Variants in LMX1B observed in about 807,000 individuals in gnomAD.
The protein encoded by LMX1B is LIM homeobox transcription factor 1 beta.
LMX1B carries 12 observed loss-of-function variants against 51.4 expected under a neutral mutation model. The ratio of observed to expected loss-of-function variants is 0.23; its 90% CI spans 0.15 to 0.38. The LOEUF (loss-of-function observed/expected upper bound fraction) is 0.38, where lower values mean the gene tolerates loss of function less well. Ranked by LOEUF, LMX1B falls within the 10% of genes least tolerant of loss-of-function variation. The pLI is 1.00. For missense variants in LMX1B, 445 were observed against 571.1 expected (o/e 0.78, Z 2.25); for synonymous variants, 237 against 235.4 (o/e 1.01, Z -0.06).
At chr9:126,687,985 C>T (rs2029971773) in intron 2 of LMX1B, among the ~76,000 whole-genome samples, 1 of 152,202 alleles carries the variant, frequency 6.6e-6, no homozygotes, top group South Asian at 2.1e-4. Flanking sequence ...AAAGGCAGCC[C>T]CATAATTGGG....
At chr9:126,683,984 C>G (rs984745656) in intron 2 of LMX1B, among the ~76,000 whole-genome samples, 5 of 152,132 alleles carry the variant, frequency 3.3e-5, no homozygotes, top group African/African-American at 1.2e-4. Flanking sequence ...GTACCCCATC[C>G]AAGCACGTGT....
Position 126,618,216 on chromosome 9 carries a change from A to G in LMX1B, c.326+2647A>G, listed in dbSNP as rs1835339682. Among the ~76,000 whole-genome samples the G allele has an allele frequency of 6.6e-6, 1 of 152,018 alleles. No homozygotes were observed. Among genetic ancestry groups the G allele is most frequent in the Admixed American group, 6.5e-5 (1 of 15,270 alleles). On this transcript the variant is annotated intron_variant, in intron 2 of 7. Transcript: ENST00000373474. This position sits in a 1 kb window ranked among gnomAD's most constrained non-coding sequence, Gnocchi z 4.5. ...ATTAACAATCCCCCCACCAAACACAACTTCTGAAAAATGTGTCCTCACCCC... is the reference window on the plus strand; with the variant it reads ...ATTAACAATCCCCCCACCAAACACAGCTTCTGAAAAATGTGTCCTCACCCC...
chr9:126,678,715 T>G (rs1357907698), intron 2 of LMX1B, among the ~76,000 whole-genome samples: 1 of 152,140 alleles, frequency 6.6e-6, no homozygotes, highest in Non-Finnish European at 1.5e-5. Flanking sequence ...AAAGAGTCCA[T>G]CAGCAGGATC....
At chr9:126,621,651 T>TA (rs1835412742) in intron 2 of LMX1B, among the ~76,000 whole-genome samples, 1 of 62,382 alleles carries the variant, frequency 1.6e-5, no homozygotes, top group Non-Finnish European at 4.2e-5. Context: ...TCTCTCTCTC[T>TA]CTTCTTTTTT....
intron 2 of LMX1B, among the ~76,000 whole-genome samples, chr9:126,634,034 A>G (rs1423191385): frequency 2.0e-5 from 3 of 151,946 alleles, no homozygotes; most frequent in African/African-American, 7.3e-5. Context: ...GTATGTACTC[A>G]GCGAATGTTT....
chr9:126,679,393 T>G (rs1836630430), intron 2 of LMX1B, among the ~76,000 whole-genome samples: 1 of 150,178 alleles, frequency 6.7e-6, no homozygotes, highest in Admixed American at 6.6e-5. Context: ...GTTGAGAGGG[T>G]GGATGGAGGG....
At chr9:126,684,648 G>A (rs546168015) in intron 2 of LMX1B, among the ~76,000 whole-genome samples, 2 of 152,290 alleles carry the variant, frequency 1.3e-5, no homozygotes, top group Non-Finnish European at 2.9e-5. Flanking sequence ...GGAAGGAAGG[G>A]ACACAGGACA....
intron 2 of LMX1B, among the ~76,000 whole-genome samples, chr9:126,639,640 C>G (rs1276795351): frequency 6.6e-6 from 1 of 152,230 alleles, no homozygotes; most frequent in Non-Finnish European, 1.5e-5. Flanking sequence ...CCCCTTCCCA[C>G]CAACCTCAGC....
intron 2 of LMX1B, among the ~76,000 whole-genome samples, chr9:126,648,333 C>T (rs1835940534): frequency 6.6e-6 from 1 of 152,200 alleles, no homozygotes; most frequent in Non-Finnish European, 1.5e-5. Context: ...CCCTCGAAGG[C>T]AGGTCCCAGC....
intron 2 of LMX1B, among the ~76,000 whole-genome samples, chr9:126,648,680 A>C (rs537493611): frequency 6.6e-6 from 1 of 152,180 alleles, no homozygotes; most frequent in Non-Finnish European, 1.5e-5. Context: ...GGACAGGTAC[A>C]TGAGTGATGA....
At position 126,691,087 on chromosome 9, in the gene LMX1B, TG is replaced by T. The variant is rs542331709; in HGVS notation, c.559+24del. 126 of 1,587,450 alleles carry T rather than the reference TG, an allele frequency of 7.9e-5. No homozygotes were observed. In the African/African-American group the frequency reaches 1.6e-3, roughly 20 times the overall value. ...GACTCCGGTGAGGCCTGGCCTGAGCTGGGGGCAGGCCTCAGGGACGGGGGTT... is the reference window on the plus strand; with the variant it reads ...GACTCCGGTGAGGCCTGGCCTGAGCTGGGGCAGGCCTCAGGGACGGGGGTT... On this transcript the variant is annotated intron_variant, in intron 3 of 7. Coordinates refer to ENST00000373474, the MANE Select transcript of LMX1B (RefSeq NM_001174147.2).
intron 2 of LMX1B, among the ~76,000 whole-genome samples, chr9:126,639,435 G>A (rs1052379830): frequency 3.9e-5 from 6 of 152,244 alleles, no homozygotes; most frequent in African/African-American, 1.4e-4. Flanking sequence ...CTACCCGCCT[G>A]GAGGGTCTCA....
intron 2 of LMX1B, among the ~76,000 whole-genome samples, chr9:126,627,456 G>A (rs1275367370): frequency 6.6e-6 from 1 of 152,018 alleles, no homozygotes; most frequent in African/African-American, 2.4e-5. Context: ...GTCCCCAAGG[G>A]AAAGCAGAGA....
intron 2 of LMX1B, 88 bp from the exon 3 acceptor site, chr9:126,690,748 G>A: frequency 8.6e-7 from 1 of 1,169,216 alleles, no homozygotes; most frequent in Non-Finnish European, 1.2e-6. Context: ...TGAGGGTCAG[G>A]GTGGCAAGAG....
rs140579717 is a variant in LMX1B at position 126,648,985 on chromosome 9, C to T, written c.326+33416C>T. Among the ~76,000 whole-genome samples the T allele has an allele frequency of 4.0e-3, 607 of 152,266 alleles. 4 individuals are homozygous for T. The highest frequency in any genetic ancestry group is 0.014 in the African/African-American group (573 of 41,544). On this transcript the variant is annotated intron_variant, in intron 2 of 7. Coordinates refer to ENST00000373474, the MANE Select transcript of LMX1B (RefSeq NM_001174147.2). ...GATCTGAAGTCATGGTCCTTACACC[C>T]GCCCATCCAGAACCTGGCCTGCTTG...
intron 2 of LMX1B, among the ~76,000 whole-genome samples, chr9:126,616,747 A>G (rs1835309658): frequency 1.3e-5 from 2 of 152,196 alleles, no homozygotes; most frequent in African/African-American, 2.4e-5. Context: ...TCCCCAGTCC[A>G]GGGCCTAGTG....
chr9:126,685,202 T>G (rs992191656), intron 2 of LMX1B, among the ~76,000 whole-genome samples: 1 of 151,946 alleles, frequency 6.6e-6, no homozygotes, highest in Non-Finnish European at 1.5e-5. Flanking sequence ...TTTAGCAAGA[T>G]GCAAAGGAAG....
Position 126,641,532 on chromosome 9 carries a change from G to T in LMX1B, c.326+25963G>T, listed in dbSNP as rs1021184461. 6.6e-6 allele frequency among the ~76,000 whole-genome samples: 1 copy of T among 152,126 alleles called. No individual in the cohort carries two copies. The highest frequency in any genetic ancestry group is 1.5e-5 in the Non-Finnish European group (1 of 68,022). On this transcript the variant is annotated intron_variant, in intron 2 of 7. Transcript: ENST00000373474. The surrounding 1 kb of genome is among the most constrained non-coding windows in gnomAD (Gnocchi z 4.1). ...GGTGCCTGATAGTATGGTCTTCTCGGGCCTGAGCTGGGCTGGGCTGGGTTA... is the reference window on the plus strand; with the variant it reads ...GGTGCCTGATAGTATGGTCTTCTCGTGCCTGAGCTGGGCTGGGCTGGGTTA...
chr9:126,673,659 G>T lies in LMX1B; in HGVS notation c.327-17177G>T, dbSNP rs1001981703. On this transcript the variant is annotated intron_variant, in intron 2 of 7. Coordinates refer to ENST00000373474, the MANE Select transcript of LMX1B (RefSeq NM_001174147.2). This position sits in a 1 kb window ranked among gnomAD's most constrained non-coding sequence, Gnocchi z 4.4. ...CCACTCTGGGCAGAGAGGGGGCATC[G>T]GGGGCATGGCTAGGGGCCAGCACTG... 1.3e-5 allele frequency among the ~76,000 whole-genome samples: 2 copies of T among 152,130 alleles called. No individual in the cohort carries two copies. Among genetic ancestry groups the T allele is most frequent in the African/African-American group, 2.4e-5 (1 of 41,412 alleles).
Sources: gnomAD v4.1 joint callset for allele counts (sites outside exome capture counted in the v4.1 genomes callset) on GRCh38, gnomAD v4.1.1 for gene constraint, Gnocchi (gnomAD v3.1) non-coding constraint, MANE v1.5 for transcripts, NCBI Gene and HGNC (gene_info 2026-07-23, HGNC 2026-07-21) for gene names.